Variants in SHLD2 observed in about 807,000 individuals in gnomAD.
The protein encoded by SHLD2 is RINN1-REV7-interacting novel NHEJ regulator 2.
SHLD2 carries 30 observed loss-of-function variants against 73.2 expected under a neutral mutation model. The ratio of observed to expected loss-of-function variants is 0.41; its 90% CI spans 0.31 to 0.56. SHLD2 has a LOEUF of 0.56. Among genes scored for constraint, SHLD2 ranks in the 20% least tolerant of loss-of-function variants. SHLD2 has a pLI of 0.28. For synonymous variants in SHLD2, 285 were observed against 370.1 expected, an observed-to-expected ratio of 0.77 and a Z score of 2.64; for missense variants, 745 against 1,055.9, an observed-to-expected ratio of 0.71 and a Z score of 4.08.
intron 2 of SHLD2, among the ~76,000 whole-genome samples, chr10:87,134,982 C>T (rs542407326): frequency 5.9e-5 from 9 of 152,168 alleles, no homozygotes; most frequent in Non-Finnish European, 7.4e-5. Context: ...CTCTGACCGT[C>T]GTGCTTAATG....
intron 2 of SHLD2, among the ~76,000 whole-genome samples, chr10:87,099,471 A>G (rs998258510): frequency 5.9e-5 from 9 of 152,202 alleles, no homozygotes; most frequent in Admixed American, 5.9e-4. Flanking sequence ...TTAAAGGTTT[A>G]TGCGTGTAGC....
chr10:87,096,115 A>T (rs936332758), intron 1 of SHLD2, among the ~76,000 whole-genome samples: 3 of 152,168 alleles, frequency 2.0e-5, no homozygotes, highest in Non-Finnish European at 4.4e-5. Context: ...ATCTCGGCTC[A>T]CTGCAGCTTC....
intron 1 of SHLD2, among the ~76,000 whole-genome samples, chr10:87,096,120 A>G (rs1413414316): frequency 6.6e-6 from 1 of 152,108 alleles, no homozygotes; most frequent in South Asian, 2.1e-4. Context: ...GGCTCACTGC[A>G]GCTTCCACCT....
chr10:87,125,295 A>G (rs1420579249), intron 2 of SHLD2, among the ~76,000 whole-genome samples: 4 of 152,174 alleles, frequency 2.6e-5, no homozygotes, highest in Admixed American at 6.5e-5. Flanking sequence ...TCCCTTAGGT[A>G]TATATTAAAG....
chr10:87,129,242 C>A (rs559233626), intron 2 of SHLD2, among the ~76,000 whole-genome samples: 16 of 152,278 alleles, frequency 1.1e-4, no homozygotes, highest in African/African-American at 3.9e-4. Flanking sequence ...AGGTGTACCA[C>A]CACGACTGGC....
chr10:87,095,136 C>T (rs1344295462), upstream of SHLD2: 4 of 67,722 alleles, frequency 5.9e-5, no homozygotes, highest in Non-Finnish European at 1.2e-4. Flanking sequence ...TGGAGGGGAA[C>T]GGACGGGAGG....
intron 2 of SHLD2, among the ~76,000 whole-genome samples, chr10:87,111,640 CAAAAA>C (rs972282870): frequency 4.5e-5 from 3 of 66,874 alleles, no homozygotes; most frequent in African/African-American, 6.1e-5. Flanking sequence ...GAGTCTGTCT[CAAAAA>C]AAAAAAAAAA....
chr10:87,133,170 G>GA (rs1184861028), intron 2 of SHLD2, among the ~76,000 whole-genome samples: 2 of 151,764 alleles, frequency 1.3e-5, no homozygotes, highest in African/African-American at 2.4e-5. Context: ...TCTAGCAATG[G>GA]AAAAAAAATA....
intron 2 of SHLD2, among the ~76,000 whole-genome samples, chr10:87,145,085 G>C (rs1845506480): frequency 6.7e-6 from 1 of 148,166 alleles, no homozygotes; most frequent in Non-Finnish European, 1.5e-5. Context: ...GGACTACAGG[G>C]GCCCACCACC....
chr10:87,149,000 G>T (rs1845829809), intron 2 of SHLD2, among the ~76,000 whole-genome samples: 1 of 150,408 alleles, frequency 6.6e-6, no homozygotes, highest in African/African-American at 2.4e-5. Context: ...CGATTCTCCT[G>T]CCTCAGCCTC....
chr10:87,127,524 T>TC (rs1844092990), intron 2 of SHLD2, among the ~76,000 whole-genome samples: 14 of 57,198 alleles, frequency 2.4e-4, no homozygotes, highest in African/African-American at 1.1e-3. Context: ...TTGTCCCTCT[T>TC]ACCCGCCCCC....
chr10:87,191,116 T>C lies in SHLD2; in HGVS notation c.*433T>C, dbSNP rs1849037826. 4.9e-6 allele frequency: 1 copy of C among 203,342 alleles called. No individual in the cohort carries two copies. The highest frequency in any genetic ancestry group is 2.4e-5 in the African/African-American group (1 of 42,052). 12.6% of individuals were successfully genotyped at this position (203,342 alleles called of 1,614,324 possible). ...GAAATCATTTCCTTGATTATAACTA[T>C]AATGATAATGGATTAGTTTATATAA... On this transcript the variant is annotated 3_prime_UTR_variant, in exon 10 of 10. Transcript: ENST00000298786.
intron 2 of SHLD2, chr10:87,115,590 AAAAC>A (rs1445079656): frequency 7.2e-5 from 11 of 152,172 alleles, no homozygotes; most frequent in Admixed American, 1.3e-4. Flanking sequence ...GTCATGGGTT[AAAAC>A]GTTCAGATTG....
chr10:87,154,885 T>C (rs541537145), intron 3 of SHLD2, among the ~76,000 whole-genome samples: 34 of 152,324 alleles, frequency 2.2e-4, no homozygotes, highest in African/African-American at 7.5e-4. Flanking sequence ...ACAGGAGGAA[T>C]GAGAACCTTA....
intron 8 of SHLD2, among the ~76,000 whole-genome samples, chr10:87,183,536 CA>C (rs1848436882): frequency 1.3e-5 from 2 of 152,172 alleles, no homozygotes; most frequent in Admixed American, 6.5e-5. Context: ...CAAAATCATC[CA>C]TTAACATTAC....
At chr10:87,137,789 C>G (rs1342771816) in intron 2 of SHLD2, among the ~76,000 whole-genome samples, 1 of 152,074 alleles carries the variant, frequency 6.6e-6, no homozygotes, top group African/African-American at 2.4e-5. Flanking sequence ...ATATCATAAT[C>G]AAACTGCTGA....
intron 3 of SHLD2, 76 bp downstream of exon 3, chr10:87,152,955 G>A: frequency 2.9e-6 from 4 of 1,365,190 alleles, no homozygotes; most frequent in South Asian, 1.3e-5. Flanking sequence ...CTCCCACTTA[G>A]TCTTTGAAGA....
chr10:87,178,985 T>C (rs1305837730), intron 7 of SHLD2, among the ~76,000 whole-genome samples: 2 of 152,152 alleles, frequency 1.3e-5, no homozygotes, highest in Admixed American at 6.5e-5. Context: ...TGATTAGTTC[T>C]TGACCTGGAG....
chr10:87,178,551 C>CA lies in SHLD2; in HGVS notation c.2171-1517dup, dbSNP rs533596997. 3.3e-5 allele frequency among the ~76,000 whole-genome samples: 5 copies of CA among 150,852 alleles called. No homozygotes were observed. The South Asian group carries it at 1.1e-3, about 32-fold the overall frequency. On this transcript the variant is annotated intron_variant, in intron 7 of 9. Transcript: ENST00000298786. ...TCAACATGGCAAATCCCCATCTCCA[C>CA]AAAAAAATACAAAAATTAGCCAGGT...
Sources: gnomAD v4.1 joint callset for allele counts (sites outside exome capture counted in the v4.1 genomes callset) on GRCh38, gnomAD v4.1.1 for gene constraint, MANE v1.5 for transcripts, NCBI Gene and HGNC (gene_info 2026-07-23, HGNC 2026-07-21) for gene names.